Variants in MBNL2 observed in about 807,000 individuals in gnomAD.
The protein encoded by MBNL2 is muscleblind-like protein 2.
Under a neutral mutation model 41.9 loss-of-function variants are expected in MBNL2, and 17 were observed. The observed-to-expected ratio is 0.41, with a 90% CI of 0.28 to 0.61. MBNL2 has a LOEUF of 0.61. Among genes scored for constraint, MBNL2 ranks in the 20% least tolerant of loss-of-function variants. MBNL2 has a pLI of 0.35. For synonymous variants in MBNL2, 195 were observed against 182.9 expected (o/e 1.07, Z -0.53); for missense variants, 336 against 505.6 (o/e 0.66, Z 3.22).
chr13:97,372,869 A>T (rs1455091965), intron 8 of MBNL2, among the ~76,000 whole-genome samples: 1 of 152,242 alleles, frequency 6.6e-6, no homozygotes, highest in Non-Finnish European at 1.5e-5. Flanking sequence ...TCAGAGTTTT[A>T]TAAAACATCT....
At chr13:97,219,045 G>C (rs988636018), upstream of MBNL2, among the ~76,000 whole-genome samples, 1 of 152,062 alleles carries the variant, frequency 6.6e-6, no homozygotes, top group Non-Finnish European at 1.5e-5. Flanking sequence ...TAAACATTTT[G>C]GTGCTCAAAG....
rs376847675 is a variant in MBNL2 at position 97,364,134 on chromosome 13, A to G, written c.1013-1002A>G. ...TCAGTTCTCCACAACATGCCTGAAT[A>G]TAATATTCATGGTCAGAGTCATGAT... On this transcript the variant is annotated intron_variant, in intron 7 of 8. Transcript: ENST00000679496. Among the ~76,000 whole-genome samples, 12 of 152,338 alleles carry G rather than the reference A, an allele frequency of 7.9e-5. No individual in the cohort carries two copies. In the South Asian group the frequency reaches 1.7e-3, roughly 21 times the overall value.
chr13:97,200,858 G>A, the MBNL2 span, among the ~76,000 whole-genome samples: 1 of 152,192 alleles, frequency 6.6e-6, no homozygotes, highest in Admixed American at 6.5e-5. Context: ...TAGACTGAGT[G>A]ACTTTTTGGA....
chr13:97,369,890 G>A (rs1401543839), intron 8 of MBNL2, among the ~76,000 whole-genome samples: 1 of 152,134 alleles, frequency 6.6e-6, no homozygotes, highest in African/African-American at 2.4e-5. Flanking sequence ...ACAACAAACA[G>A]ATTTACTAAG....
chr13:97,214,136 CTT>C, the MBNL2 span, among the ~76,000 whole-genome samples: 1 of 152,266 alleles, frequency 6.6e-6, no homozygotes, highest in Non-Finnish European at 1.5e-5. Flanking sequence ...ATTAAAAACT[CTT>C]TGTAGGGATC....
the MBNL2 span, among the ~76,000 whole-genome samples, chr13:97,143,517 T>A: frequency 6.6e-6 from 1 of 152,262 alleles, no homozygotes; most frequent in Non-Finnish European, 1.5e-5. Context: ...ATAGGTTTGC[T>A]GGCTTCTGGT....
chr13:97,262,247 C>G (rs1469567411), intron 1 of MBNL2, among the ~76,000 whole-genome samples: 1 of 152,200 alleles, frequency 6.6e-6, no homozygotes, highest in Non-Finnish European at 1.5e-5. Flanking sequence ...GTGCCTCCTT[C>G]CCCAGCTCCA....
In MBNL2 at chr13:97,318,383, A is replaced by C. The variant is rs1015959211; in HGVS notation, c.175-15893A>C. ...TGCTACTTGCACACCCTAGGACAAG[A>C]TCATTCATCTCCTCAGGCCTCAGTT... is the stretch of plus-strand genomic sequence containing the variant. On this transcript the variant is annotated intron_variant, in intron 2 of 8. Coordinates refer to ENST00000679496, the MANE Select transcript of MBNL2 (RefSeq NM_001382683.1). Among the ~76,000 whole-genome samples, 29 of 152,200 alleles carry C rather than the reference A, an allele frequency of 1.9e-4. 1 individual carries two copies. The highest frequency in any genetic ancestry group is 6.8e-4 in the African/African-American group (28 of 41,458).
the MBNL2 span, among the ~76,000 whole-genome samples, chr13:97,173,214 C>G: frequency 6.6e-6 from 1 of 152,138 alleles, no homozygotes; most frequent in East Asian, 1.9e-4. Context: ...TTCCAATTTT[C>G]TTAAAACAAC....
the MBNL2 span, among the ~76,000 whole-genome samples, chr13:97,160,605 G>A: frequency 9.2e-5 from 14 of 152,140 alleles, no homozygotes; most frequent in South Asian, 2.3e-3. Flanking sequence ...AAATTAGGCA[G>A]GGAAGCCCAT....
intron 1 of MBNL2, among the ~76,000 whole-genome samples, chr13:97,237,532 T>G (rs1362925774): frequency 6.6e-6 from 1 of 152,094 alleles, no homozygotes; most frequent in East Asian, 1.9e-4. Context: ...ACAAGGGAGG[T>G]ATAAGATGCC....
the MBNL2 span, among the ~76,000 whole-genome samples, chr13:97,167,184 AT>A: frequency 2.0e-5 from 3 of 152,352 alleles, no homozygotes; most frequent in East Asian, 3.9e-4. Context: ...GCACAGAGTC[AT>A]TCAACTTAAA....
At chr13:97,178,856 C>T in the MBNL2 span, among the ~76,000 whole-genome samples, 6 of 152,160 alleles carry the variant, frequency 3.9e-5, no homozygotes, top group Non-Finnish European at 7.3e-5. Flanking sequence ...ATGATTACAC[C>T]ACTGCACTCC....
the MBNL2 span, among the ~76,000 whole-genome samples, chr13:97,184,651 T>G: frequency 6.6e-6 from 1 of 152,110 alleles, no homozygotes; most frequent in Non-Finnish European, 1.5e-5. Context: ...GCTGGCTAAT[T>G]TTTGTATTTT....
At chr13:97,194,024 C>T in the MBNL2 span, among the ~76,000 whole-genome samples, 6 of 152,168 alleles carry the variant, frequency 3.9e-5, no homozygotes, top group African/African-American at 9.7e-5. Flanking sequence ...ATTCTTCACT[C>T]GACTTTGTGT....
upstream of MBNL2, among the ~76,000 whole-genome samples, chr13:97,219,949 G>T (rs936244067): frequency 3.3e-5 from 5 of 152,212 alleles, no homozygotes; most frequent in African/African-American, 1.2e-4. Flanking sequence ...GAAGCAAAGT[G>T]AAACATTTCT....
chr13:97,256,352 A>T lies in MBNL2; in HGVS notation c.-604-19280A>T, dbSNP rs565979216. ...TTGGGACATGGATTTTTTTTAATCA[A>T]TTTTTTTTTTTAAATATTGGAACTA... On this transcript the variant is annotated intron_variant, in intron 1 of 8. Transcript: ENST00000679496. 2.2e-3 allele frequency among the ~76,000 whole-genome samples: 331 copies of T among 148,978 alleles called. 2 individuals are homozygous for T. Among genetic ancestry groups the T allele is most frequent in the African/African-American group, 7.7e-3 (315 of 40,766 alleles).
intron 5 of MBNL2, among the ~76,000 whole-genome samples, chr13:97,351,152 G>T (rs992761292): frequency 6.6e-6 from 1 of 152,220 alleles, no homozygotes; most frequent in Non-Finnish European, 1.5e-5. Context: ...GTGATCAGGT[G>T]CATTGTCAAT....
At chr13:97,146,748 T>A in the MBNL2 span, among the ~76,000 whole-genome samples, 2,180 of 152,240 alleles carry the variant, frequency 0.014, 50 homozygotes, top group African/African-American at 0.049. Flanking sequence ...ATGCTCAGGA[T>A]GTGTTGTTCC....
Sources: gnomAD v4.1 joint callset for allele counts (sites outside exome capture counted in the v4.1 genomes callset) on GRCh38, gnomAD v4.1.1 for gene constraint, MANE v1.5 for transcripts, NCBI Gene and HGNC (gene_info 2026-07-23, HGNC 2026-07-21) for gene names.